Variants in TTLL11 observed in about 807,000 individuals in gnomAD.
TTLL11 encodes tubulin tyrosine ligase like 11.
TTLL11 carries 42 observed loss-of-function variants against 51.7 expected under a neutral mutation model. The observed-to-expected ratio is 0.81, with a 90% CI of 0.64 to 1.05. The LOEUF (loss-of-function observed/expected upper bound fraction) is 1.05. Among genes scored for constraint, TTLL11 ranks in the 50% least tolerant of loss-of-function variants. The probability of loss-of-function intolerance (pLI) is 0.00; values close to 1 mark genes in which losing one functional copy is unlikely to be tolerated. For synonymous variants in TTLL11, 381 were observed against 383.5 expected, an observed-to-expected ratio of 0.99 and a Z score of 0.08; for missense variants, 799 against 940.4, an observed-to-expected ratio of 0.85 and a Z score of 1.97.
At chr9:121,962,458 C>A (rs978731696) in intron 6 of TTLL11, among the ~76,000 whole-genome samples, 7 of 152,174 alleles carry the variant, frequency 4.6e-5, no homozygotes, top group African/African-American at 1.7e-4. Flanking sequence ...TCTTACTTAT[C>A]CAAGCCCAAG....
chr9:121,994,314 G>A (rs754960892), intron 3 of TTLL11, among the ~76,000 whole-genome samples: 2 of 152,148 alleles, frequency 1.3e-5, no homozygotes, highest in South Asian at 2.1e-4. Flanking sequence ...AGAGGTGGAG[G>A]GGGTATGCAC....
chr9:121,915,986 CACAT>C (rs767398822), intron 6 of TTLL11, among the ~76,000 whole-genome samples: 5,125 of 79,242 alleles, frequency 0.065, 140 homozygotes, highest in African/African-American at 0.12. Context: ...CAAAGACACA[CACAT>C]ACACACACAC....
At chr9:122,042,952 T>C (rs925253424) in intron 1 of TTLL11, among the ~76,000 whole-genome samples, 2 of 152,048 alleles carry the variant, frequency 1.3e-5, no homozygotes, top group Admixed American at 6.5e-5. Flanking sequence ...AAGAGATGAA[T>C]AGGTGAAGTA....
rs188150069 is a variant in TTLL11, at chr9:121,939,532, G to C, written c.1481+34477C>G. Reference sequence around the variant, plus strand: ...GAACATAGTGATTCTCTGGGGGTAGGGGGAGAAGGATGTCATAGCAGTAGA... The same window carrying C: ...GAACATAGTGATTCTCTGGGGGTAGCGGGAGAAGGATGTCATAGCAGTAGA... On this transcript the variant is annotated intron_variant, in intron 6 of 8. Transcript: ENST00000321582. Among the ~76,000 whole-genome samples the C allele has an allele frequency of 4.0e-3, 615 of 152,094 alleles. 2 individuals carry two copies. Among genetic ancestry groups the C allele is most frequent in the Admixed American group, 9.2e-3 (141 of 15,282 alleles).
intron 6 of TTLL11, among the ~76,000 whole-genome samples, chr9:121,895,433 GTGTC>G (rs1359338716): frequency 6.7e-6 from 1 of 149,766 alleles, no homozygotes; most frequent in African/African-American, 2.5e-5. Flanking sequence ...CGCTGCGTGT[GTGTC>G]TGTGCACGTT....
intron 3 of TTLL11, among the ~76,000 whole-genome samples, chr9:122,002,113 G>A (rs1047432386): frequency 2.6e-5 from 4 of 152,182 alleles, no homozygotes; most frequent in South Asian, 2.1e-4. Flanking sequence ...AGGTGGCCAC[G>A]GGAAAACAGG....
rs1175684680 is a variant in TTLL11 at position 121,816,410 on chromosome 9, A to T, written c.*6177T>A. 2.0e-5 allele frequency: 3 copies of T among 152,208 alleles called. No homozygotes were observed. Among genetic ancestry groups the T allele is most frequent in the African/African-American group, 4.8e-5 (2 of 41,446 alleles). The allele number at this position is 152,208 out of a possible 1,614,324, so 9.4% of individuals were successfully genotyped here. ...GTGAGCCTCTTGGTGAGCACAAGACACTACCGCAGGGCTGCAAAGAGCCCT... is the reference window on the plus strand; with the variant it reads ...GTGAGCCTCTTGGTGAGCACAAGACTCTACCGCAGGGCTGCAAAGAGCCCT... On this transcript the variant is annotated 3_prime_UTR_variant, in exon 9 of 9. Transcript: ENST00000321582.
At chr9:121,842,054 T>C (rs1233782870) in intron 8 of TTLL11, among the ~76,000 whole-genome samples, 1 of 152,112 alleles carries the variant, frequency 6.6e-6, no homozygotes, top group Non-Finnish European at 1.5e-5. Flanking sequence ...AGGGTATATT[T>C]CATCACATAT....
chr9:122,087,374 G>A (rs1846152240), intron 1 of TTLL11, among the ~76,000 whole-genome samples: 1 of 152,062 alleles, frequency 6.6e-6, no homozygotes, highest in South Asian at 2.1e-4. Context: ...ACAATGCCTT[G>A]CACATAACCC....
chr9:122,007,554 C>A (rs1201920991), intron 3 of TTLL11, among the ~76,000 whole-genome samples: 1 of 149,914 alleles, frequency 6.7e-6, no homozygotes, highest in Non-Finnish European at 1.5e-5. Context: ...TAAATTTGAG[C>A]ATCAAAATAG....
chr9:122,057,338 T>G (rs1473120314), intron 1 of TTLL11, among the ~76,000 whole-genome samples: 10 of 151,204 alleles, frequency 6.6e-5, no homozygotes, highest in African/African-American at 2.4e-4. Context: ...TTTTTTTTTT[T>G]TTTTTACTGA....
intron 1 of TTLL11, among the ~76,000 whole-genome samples, chr9:122,067,608 A>C (rs1845620918): frequency 6.6e-6 from 1 of 152,004 alleles, no homozygotes; most frequent in Admixed American, 6.6e-5. Context: ...TGCAGCCAGG[A>C]TCTTCTGCCT....
intron 3 of TTLL11, among the ~76,000 whole-genome samples, chr9:121,991,707 G>T (rs573854721): frequency 3.3e-5 from 5 of 152,122 alleles, no homozygotes; most frequent in Non-Finnish European, 5.9e-5. Flanking sequence ...AATAGTCTCC[G>T]TCACTCATTG....
chr9:122,016,377 C>A (rs1283847094), intron 3 of TTLL11, among the ~76,000 whole-genome samples: 1 of 152,140 alleles, frequency 6.6e-6, no homozygotes, highest in Non-Finnish European at 1.5e-5. Context: ...GTTTAAACTG[C>A]ATCTTTTTGA....
At chr9:122,052,370 G>T (rs923215381) in intron 1 of TTLL11, among the ~76,000 whole-genome samples, 3 of 152,220 alleles carry the variant, frequency 2.0e-5, no homozygotes, top group African/African-American at 7.2e-5. Context: ...CTTCCCGACT[G>T]CAGTGTCTTT....
chr9:121,834,531 A>T (rs2119130589), intron 8 of TTLL11, among the ~76,000 whole-genome samples: 1 of 149,850 alleles, frequency 6.7e-6, no homozygotes, highest in Non-Finnish European at 1.5e-5. Context: ...CACAGTGCTT[A>T]AAAAATGGCA....
intron 6 of TTLL11, among the ~76,000 whole-genome samples, chr9:121,958,138 G>T (rs1308697156): frequency 6.6e-6 from 1 of 152,206 alleles, no homozygotes; most frequent in African/African-American, 2.4e-5. Flanking sequence ...TAGATAAGGA[G>T]ACCTGGACTC....
At chr9:121,919,359 T>C (rs1260537116) in intron 6 of TTLL11, among the ~76,000 whole-genome samples, 1 of 152,152 alleles carries the variant, frequency 6.6e-6, no homozygotes, top group Non-Finnish European at 1.5e-5. Context: ...GGATGTGAAG[T>C]GGCTTACACA....
intron 6 of TTLL11, among the ~76,000 whole-genome samples, chr9:121,898,244 C>T (rs187178764): frequency 2.7e-4 from 41 of 152,268 alleles, no homozygotes; most frequent in Admixed American, 2.6e-3. Context: ...CCTGCTGTCA[C>T]CACCCCCACC....
Sources: gnomAD v4.1 joint callset for allele counts (sites outside exome capture counted in the v4.1 genomes callset) on GRCh38, gnomAD v4.1.1 for gene constraint, MANE v1.5 for transcripts, NCBI Gene and HGNC (gene_info 2026-07-23, HGNC 2026-07-21) for gene names.